Variants in ENTREP2 observed in about 807,000 individuals in gnomAD.
ENTREP2 encodes endosomal transmembrane epsin interactor 2.
chr15:29,240,918 G>C, the ENTREP2 span, among the ~76,000 whole-genome samples: 2 of 152,122 alleles, frequency 1.3e-5, no homozygotes, highest in Admixed American at 6.6e-5. Flanking sequence ...TCATCATCAT[G>C]ATCATCATGC....
the ENTREP2 span, among the ~76,000 whole-genome samples, chr15:29,514,797 C>T: frequency 2.6e-5 from 4 of 152,096 alleles, no homozygotes; most frequent in Admixed American, 2.6e-4. Context: ...CTGTTGGGAC[C>T]AGAGTGCAAT....
the ENTREP2 span, among the ~76,000 whole-genome samples, chr15:29,451,332 A>C: frequency 0.037 from 5,589 of 152,086 alleles, 138 homozygotes; most frequent in South Asian, 0.11. Flanking sequence ...ACTTCTCCAC[A>C]TCCTTCCCCA....
chr15:29,490,220 G>C, the ENTREP2 span, among the ~76,000 whole-genome samples: 3 of 152,228 alleles, frequency 2.0e-5, no homozygotes, highest in South Asian at 6.2e-4. Flanking sequence ...GTTCGGACAT[G>C]TTGGGAGTTT....
the ENTREP2 span, among the ~76,000 whole-genome samples, chr15:29,587,493 T>C: frequency 6.6e-6 from 1 of 152,136 alleles, no homozygotes; most frequent in Non-Finnish European, 1.5e-5. Flanking sequence ...ACCAAATATG[T>C]TTAAATTCAG....
the ENTREP2 span, chr15:29,123,600 C>T: frequency 7.7e-6 from 12 of 1,551,538 alleles, no homozygotes; most frequent in Non-Finnish European, 1.0e-5. Context: ...TATCTGGGTC[C>T]CCCGCTGGTG....
the ENTREP2 span, among the ~76,000 whole-genome samples, chr15:29,423,238 TTACTA>T: frequency 2.6e-5 from 4 of 152,186 alleles, no homozygotes; most frequent in Non-Finnish European, 4.4e-5. Context: ...ACACAGTTGT[TTACTA>T]TACATGTTAG....
chr15:29,195,123 A>G, the ENTREP2 span: 1 of 985,166 alleles, frequency 1.0e-6, no homozygotes, highest in Non-Finnish European at 1.2e-6. Context: ...TGGTCCCATG[A>G]TGGGATGGGC....
chr15:29,531,372 A>G, the ENTREP2 span, among the ~76,000 whole-genome samples: 2 of 152,080 alleles, frequency 1.3e-5, no homozygotes, highest in Non-Finnish European at 2.9e-5. Context: ...AGGATTTCAC[A>G]TTAGAAGCTT....
chr15:29,636,177 C>T, the ENTREP2 span, among the ~76,000 whole-genome samples: 7 of 152,196 alleles, frequency 4.6e-5, no homozygotes, highest in African/African-American at 1.4e-4. Context: ...TAGCTCTTCA[C>T]GGGGATGGAA....
the ENTREP2 span, among the ~76,000 whole-genome samples, chr15:29,314,321 T>C: frequency 3.9e-5 from 6 of 152,132 alleles, no homozygotes; most frequent in African/African-American, 1.4e-4. Context: ...GGACAAATCT[T>C]TTGTAAAAGG....
At chr15:29,579,923 G>A in the ENTREP2 span, among the ~76,000 whole-genome samples, 1 of 151,808 alleles carries the variant, frequency 6.6e-6, no homozygotes, top group South Asian at 2.1e-4. Flanking sequence ...TGTTAGCCAG[G>A]ATGGTCTCAA....
the ENTREP2 span, among the ~76,000 whole-genome samples, chr15:29,386,418 C>T: frequency 6.6e-6 from 1 of 152,192 alleles, no homozygotes; most frequent in African/African-American, 2.4e-5. Flanking sequence ...GCGAACCACA[C>T]CCTTGTCACA....
At chr15:29,358,522 G>C in the ENTREP2 span, among the ~76,000 whole-genome samples, 1 of 152,164 alleles carries the variant, frequency 6.6e-6, no homozygotes, top group Non-Finnish European at 1.5e-5. Flanking sequence ...TCTGGTGCTG[G>C]TTGGTGGGGC....
At chr15:29,506,343 C>T in the ENTREP2 span, among the ~76,000 whole-genome samples, 2 of 152,136 alleles carry the variant, frequency 1.3e-5, no homozygotes, top group Non-Finnish European at 2.9e-5. Context: ...TTCAGGATAT[C>T]ATCCAGGAGA....
At chr15:29,474,581 G>T in the ENTREP2 span, among the ~76,000 whole-genome samples, 1 of 151,946 alleles carries the variant, frequency 6.6e-6, no homozygotes, top group Non-Finnish European at 1.5e-5. Flanking sequence ...TGGAGACAGG[G>T]TCTCACTCCG....
chr15:29,189,254 G>A, the ENTREP2 span, among the ~76,000 whole-genome samples: 2 of 152,126 alleles, frequency 1.3e-5, no homozygotes, highest in East Asian at 1.9e-4. Context: ...GGGATCCAAC[G>A]CTGTCTCCAG....
the ENTREP2 span, among the ~76,000 whole-genome samples, chr15:29,238,835 T>C: frequency 6.6e-6 from 1 of 152,026 alleles, no homozygotes; most frequent in East Asian, 1.9e-4. Flanking sequence ...CTAGATCTCA[T>C]GAGAATTCAC....
the ENTREP2 span, among the ~76,000 whole-genome samples, chr15:29,256,852 T>G: frequency 1.3e-5 from 2 of 152,094 alleles, no homozygotes; most frequent in Non-Finnish European, 2.9e-5. Context: ...TTTTTTAATT[T>G]TATATTTTAT....
chr15:29,156,008 G>A, the ENTREP2 span, among the ~76,000 whole-genome samples: 2 of 152,156 alleles, frequency 1.3e-5, no homozygotes, highest in Admixed American at 1.3e-4. Context: ...ACATGGAGCA[G>A]GATGGGGGCT....
Sources: allele counts gnomAD v4.1 joint callset (sites outside exome capture counted in the v4.1 genomes callset), GRCh38; gene constraint gnomAD v4.1.1; transcripts MANE v1.5; gene names NCBI Gene and HGNC (gene_info 2026-07-23, HGNC 2026-07-21).